Variants in GJB7 observed in about 807,000 individuals in gnomAD.
GJB7 encodes the protein gap junction protein beta 7, also known as gap junction beta-7 protein.
For missense variants in GJB7, 253 were observed against 256.8 expected (o/e 0.99, Z 0.10); for synonymous variants, 87 against 95.2 (o/e 0.91, Z 0.50).
At chr6:87,313,486 C>T (rs1363955989) in intron 2 of GJB7, among the ~76,000 whole-genome samples, 3 of 152,198 alleles carry the variant, frequency 2.0e-5, no homozygotes, top group Non-Finnish European at 2.9e-5. Flanking sequence ...AGTACCTTCT[C>T]AGGATAAATG....
chr6:87,314,328 C>T (rs1776552764), intron 2 of GJB7, among the ~76,000 whole-genome samples: 1 of 152,202 alleles, frequency 6.6e-6, no homozygotes, highest in Non-Finnish European at 1.5e-5. Context: ...ACGGGCCCCT[C>T]TCTATCTCAG....
chr6:87,305,785 G>C (rs1776417188), intron 2 of GJB7, among the ~76,000 whole-genome samples: 2 of 152,146 alleles, frequency 1.3e-5, no homozygotes, highest in South Asian at 4.1e-4. Flanking sequence ...TATACTACAA[G>C]GCTACGGTAA....
chr6:87,300,074 G>C (rs904964200), intron 2 of GJB7: 1 of 326,816 alleles, frequency 3.1e-6, no homozygotes, highest in African/African-American at 2.2e-5. Flanking sequence ...GCTCTGGGAG[G>C]GGGTTGTGCC....
intron 2 of GJB7, among the ~76,000 whole-genome samples, chr6:87,301,103 C>T (rs1032335725): frequency 7.9e-5 from 12 of 152,162 alleles, no homozygotes; most frequent in South Asian, 2.1e-4. Context: ...CCAGCATGAG[C>T]GACAGAGAAG....
intron 2 of GJB7, chr6:87,299,343 C>A: frequency 2.1e-6 from 1 of 472,374 alleles, no homozygotes; most frequent in Non-Finnish European, 4.2e-6. Context: ...GAAAGGGTGT[C>A]CTCACAGTAA....
chr6:87,325,816 G>A lies in GJB7; in HGVS notation c.-205-2773C>T, dbSNP rs552747470. Among the ~76,000 whole-genome samples, 185 of 152,268 alleles carry A rather than the reference G, an allele frequency of 1.2e-3. 1 individual carries two copies. The highest frequency in any genetic ancestry group is 4.1e-3 in the African/African-American group (172 of 41,556). Reference sequence around the variant, plus strand: ...AGGGAGGATTCCCTCTTTTTCTATTGATTGGAATAGTTTCAGAAGGAATGG... The same window carrying A: ...AGGGAGGATTCCCTCTTTTTCTATTAATTGGAATAGTTTCAGAAGGAATGG... On this transcript the variant is annotated intron_variant, in intron 1 of 2. Coordinates refer to ENST00000525899, the MANE Select transcript of GJB7 (RefSeq NM_198568.3).
At chr6:87,288,604 C>G (rs1478939449) in intron 2 of GJB7, among the ~76,000 whole-genome samples, 1 of 152,192 alleles carries the variant, frequency 6.6e-6, no homozygotes, top group Non-Finnish European at 1.5e-5. Flanking sequence ...CTTGCCAGTA[C>G]TTTCTTCACT....
chr6:87,285,259 A>T (rs913019388), intron 2 of GJB7, among the ~76,000 whole-genome samples: 2 of 152,200 alleles, frequency 1.3e-5, no homozygotes, highest in African/African-American at 4.8e-5. Context: ...CTAAAGATGG[A>T]TGGGTCATGT....
intron 1 of GJB7, among the ~76,000 whole-genome samples, chr6:87,323,322 G>A (rs193053393): frequency 6.6e-6 from 1 of 152,172 alleles, no homozygotes; most frequent in African/African-American, 2.4e-5. Flanking sequence ...TGTGCACAAT[G>A]TGCAGGTTAG....
intron 2 of GJB7, among the ~76,000 whole-genome samples, chr6:87,296,232 T>C (rs1245493233): frequency 6.6e-6 from 1 of 152,238 alleles, no homozygotes; most frequent in Non-Finnish European, 1.5e-5. Flanking sequence ...GGGATGTTAA[T>C]GCAGGTGTTG....
chr6:87,284,459 G>A lies in GJB7; in HGVS notation c.454C>T (p.Pro152Ser). The change falls in exon 3 of 3, where the codon CCC becomes TCC. Residue 152 changes from proline to serine, a missense_variant. Coordinates refer to ENST00000525899, the MANE Select transcript of GJB7 (RefSeq NM_198568.3). ...FYKLYDGFSV[P>S]YLIKCDLKPC... is the part of the protein sequence containing the mutation. ...TTCAAATCACACTTTATAAGGTAGG[G>A]AACACTAAAGCCATCATATAGCTTA... The A allele has an allele frequency of 6.2e-7, 1 of 1,613,936 alleles. No individual in the cohort carries two copies.
At chr6:87,324,704 G>A (rs1582084558) in intron 1 of GJB7, among the ~76,000 whole-genome samples, 2 of 151,848 alleles carry the variant, frequency 1.3e-5, no homozygotes, top group East Asian at 3.8e-4. Flanking sequence ...CAGGTAGTGT[G>A]ATACCTCCAG....
intron 2 of GJB7, among the ~76,000 whole-genome samples, chr6:87,289,225 C>T (rs1360705155): frequency 6.6e-6 from 1 of 152,170 alleles, no homozygotes; most frequent in Non-Finnish European, 1.5e-5. Flanking sequence ...CTTTCCCTGA[C>T]CCCACTAATC....
At chr6:87,317,433 C>CTT (rs34039728) in intron 2 of GJB7, among the ~76,000 whole-genome samples, 3,845 of 142,934 alleles carry the variant, frequency 0.027, 89 homozygotes, top group East Asian at 0.089. Context: ...TAATCTTTTC[C>CTT]TTTTTTTTTT....
chr6:87,318,917 C>T (rs1582569372), intron 2 of GJB7, among the ~76,000 whole-genome samples: 1 of 152,110 alleles, frequency 6.6e-6, no homozygotes, highest in African/African-American at 2.4e-5. Flanking sequence ...TGACAAAATA[C>T]CAGTAATGTA....
At chr6:87,316,459 C>A (rs1776586234) in intron 2 of GJB7, among the ~76,000 whole-genome samples, 1 of 152,172 alleles carries the variant, frequency 6.6e-6, no homozygotes, top group African/African-American at 2.4e-5. Context: ...CCCTGATTAT[C>A]CTTGTGAAGG....
intron 2 of GJB7, among the ~76,000 whole-genome samples, chr6:87,289,289 A>T (rs919112019): frequency 6.6e-6 from 1 of 152,046 alleles, no homozygotes; most frequent in African/African-American, 2.4e-5. Context: ...TTTTTCCCTC[A>T]TGCCACTTAT....
chr6:87,283,512 C>T lies in GJB7; in HGVS notation c.*729G>A, dbSNP rs1315400689. The T allele has an allele frequency of 6.6e-6, 1 of 152,278 alleles. No individual in the cohort carries two copies. The highest frequency in any genetic ancestry group is 1.9e-4 in the East Asian group (1 of 5,196). 9.4% of individuals were successfully genotyped at this position (152,278 alleles called of 1,614,324 possible). On this transcript the variant is annotated 3_prime_UTR_variant, in exon 3 of 3. Transcript: ENST00000525899. Reference sequence around the variant, plus strand: ...CTGAAATGATAGCTTTCCTCCCTCTCCTCTAATCCACTTATATCCAAGGAT... The same window carrying T: ...CTGAAATGATAGCTTTCCTCCCTCTTCTCTAATCCACTTATATCCAAGGAT...
At chr6:87,315,562 C>T (rs139454905) in intron 2 of GJB7, among the ~76,000 whole-genome samples, 1,533 of 152,018 alleles carry the variant, frequency 0.01, 25 homozygotes, top group African/African-American at 0.034. Flanking sequence ...GTGGCCAAGG[C>T]GGGTGGATCA....
Sources: allele counts gnomAD v4.1 joint callset (sites outside exome capture counted in the v4.1 genomes callset), GRCh38; gene constraint gnomAD v4.1.1; transcripts MANE v1.5; gene names NCBI Gene and HGNC (gene_info 2026-07-23, HGNC 2026-07-21).